Variants in PIANP observed in about 807,000 individuals in gnomAD.
PIANP encodes PILR alpha associated neural protein.
A neutral mutation model predicts 28.9 loss-of-function variants in PIANP; 14 were observed. The ratio of observed to expected loss-of-function variants is 0.49; its 90% CI spans 0.32 to 0.76. PIANP has a LOEUF of 0.76. Ranked by LOEUF, PIANP falls within the 30% of genes least tolerant of loss-of-function variation. The pLI, the probability that PIANP is intolerant of heterozygous loss-of-function variation, is 0.03. For missense variants in PIANP, 322 were observed against 371.8 expected (o/e 0.87, Z 1.10); for synonymous variants, 149 against 156.6 (o/e 0.95, Z 0.36).
Position 6,696,459 on chromosome 12 carries a change from T to C in PIANP, c.589A>G (p.Ile197Val). 6.2e-7 allele frequency: 1 copy of C among 1,600,848 alleles called. No homozygotes were observed. The highest frequency in any genetic ancestry group is 8.5e-7 in the Non-Finnish European group (1 of 1,174,166). ...SIIIVLVATG[I>V]IFKFCWDRSQ... ...CCAGCTTACCAGAACTTGAAGATGA[T>C]GCCAGTGGCCACGAGAACAATGATG... The change falls in exon 4 of 5, where the codon ATC (isoleucine) becomes GTC (valine). Residue 197 changes from isoleucine to valine, a missense_variant. Ile to Val is a conservative substitution (Grantham distance 29). Coordinates refer to ENST00000534837, the MANE Select transcript of PIANP (RefSeq NM_001244014.2). The surrounding 1 kb of genome is among the most constrained non-coding windows in gnomAD (Gnocchi z 4.0).
At position 6,695,518 on chromosome 12, in the gene PIANP, T is replaced by G. The variant is rs756613980; in HGVS notation, c.739A>C (p.Thr247Pro). The change falls in exon 5 of 5, where the codon ACC (threonine) becomes CCC (proline). Residue 247 changes from threonine (T) to proline (P), a missense_variant. Transcript: ENST00000534837. This position sits in a 1 kb window ranked among gnomAD's most constrained non-coding sequence, Gnocchi z 4.2. ...TVLGAFGDSP[T>P]PTPDHEEPRG... ...GGCTCCTCATGGTCAGGGGTGGGGG[T>G]AGGTGAGTCCCCGAAGGCCCCCAGC... 6.4e-7 allele frequency: 1 copy of G among 1,573,890 alleles called. No homozygotes were observed. Among genetic ancestry groups the G allele is most frequent in the Admixed American group, 1.8e-5 (1 of 55,736 alleles).
Position 6,695,869 on chromosome 12 carries a change from T to A in PIANP, c.606-218A>T, listed in dbSNP as rs1408863758. ...GGGAGCTTGGTAATCTAAACCTCCT[T>A]ACCCTCCAAACCTGATCCAGATCGA... On this transcript the variant is annotated intron_variant, in intron 4 of 4. Coordinates refer to ENST00000534837, the MANE Select transcript of PIANP (RefSeq NM_001244014.2). This position sits in a 1 kb window ranked among gnomAD's most constrained non-coding sequence, Gnocchi z 4.2. Among the ~76,000 whole-genome samples, 1 of 151,864 alleles carries A rather than the reference T, an allele frequency of 6.6e-6. No homozygotes were observed. Among genetic ancestry groups the A allele is most frequent in the Non-Finnish European group, 1.5e-5 (1 of 67,964 alleles).
chr12:6,695,569 C>A lies in PIANP; in HGVS notation c.688G>T (p.Asp230Tyr). Reference sequence around the variant, plus strand: ...ACAGTGACTCCAGCCGGGGACAGGTCTGTCAGTGGCTGCTGGCTCTCCTCC... The same window carrying A: ...ACAGTGACTCCAGCCGGGGACAGGTATGTCAGTGGCTGCTGGCTCTCCTCC... ...RQEESQQPLT[D>Y]LSPAGVTVLG... Residue 230 changes from aspartate (D) to tyrosine (Y), a missense_variant, in exon 5 of 5, where the codon GAC (aspartate) becomes TAC (tyrosine). Asp to Tyr is a radical substitution (Grantham distance 160, BLOSUM62 -3). Transcript: ENST00000534837. This position sits in a 1 kb window ranked among gnomAD's most constrained non-coding sequence, Gnocchi z 4.2. The A allele has an allele frequency of 6.3e-7, 1 of 1,592,418 alleles. No homozygotes were observed. The highest frequency in any genetic ancestry group is 8.6e-7 in the Non-Finnish European group (1 of 1,168,418).
rs1455574049 is a variant in PIANP at position 6,698,234 on chromosome 12, A to G, written c.-43-130T>C. On this transcript the variant is annotated intron_variant, in intron 1 of 4. Coordinates refer to ENST00000534837, the MANE Select transcript of PIANP (RefSeq NM_001244014.2). ...TGCCAGCTATGCGGCTGCACCCAGG[A>G]TTCACTGGTTGTTAGCATCCTTTTG... 4.0e-6 allele frequency: 3 copies of G among 747,858 alleles called. No individual in the cohort carries two copies. The Middle Eastern group carries it at 8.4e-4, about 209-fold the overall frequency. 46.3% of individuals were successfully genotyped at this position (747,858 alleles called of 1,614,324 possible).
intron 1 of PIANP, among the ~76,000 whole-genome samples, chr12:6,699,341 A>C (rs1367083318): frequency 6.6e-6 from 1 of 152,076 alleles, no homozygotes; most frequent in African/African-American, 2.4e-5. Flanking sequence ...GGAAGCAGGC[A>C]GTGGGAGAGA....
Position 6,695,683 on chromosome 12 carries a change from C to A in PIANP, c.606-32G>T. 2 of 1,456,098 alleles carry A rather than the reference C, an allele frequency of 1.4e-6. No individual in the cohort carries two copies. Among genetic ancestry groups the A allele is most frequent in the Non-Finnish European group, 1.8e-6 (2 of 1,099,088 alleles). The allele number at this position is 1,456,098 out of a possible 1,614,324, so 90.2% of individuals were successfully genotyped here. On this transcript the variant is annotated intron_variant, in intron 4 of 4. Coordinates refer to ENST00000534837, the MANE Select transcript of PIANP (RefSeq NM_001244014.2). The surrounding 1 kb of genome is among the most constrained non-coding windows in gnomAD (Gnocchi z 4.2). ...TACCAGAGGAAAAGAGGTTCTCTTG[C>A]ACACTCAAGTAGCCCCCATCCTGGG...
Position 6,695,604 on chromosome 12 carries a change from G to A in PIANP, c.653C>T (p.Ala218Val). 1 of 1,584,206 alleles carries A rather than the reference G, an allele frequency of 6.3e-7. No homozygotes were observed. Among genetic ancestry groups the A allele is most frequent in the Non-Finnish European group, 8.6e-7 (1 of 1,164,568 alleles). Residue 218 changes from alanine (A) to valine (V), a missense_variant, in exon 5 of 5, where the codon GCC (alanine) becomes GTC (valine). Transcript: ENST00000534837. The surrounding 1 kb of genome is among the most constrained non-coding windows in gnomAD (Gnocchi z 4.2). ...KRRRPSGQQG[A>V]LRQEESQQPL... ...CTGCTGGCTCTCCTCCTGCCTCAGGGCACCTTGCTGCCCTGAGGGTCTGCG... is the reference window on the plus strand; with the variant it reads ...CTGCTGGCTCTCCTCCTGCCTCAGGACACCTTGCTGCCCTGAGGGTCTGCG...
At position 6,700,030 on chromosome 12, in the gene PIANP, C is replaced by G. The variant is rs1442562512; in HGVS notation, c.-44+584G>C. 6.6e-6 allele frequency: 1 copy of G among 152,354 alleles called. No homozygotes were observed. Among genetic ancestry groups the G allele is most frequent in the African/African-American group, 2.4e-5 (1 of 41,454 alleles). 9.4% of individuals were successfully genotyped at this position (152,354 alleles called of 1,614,324 possible). The stretch of plus-strand genomic sequence containing the variant: ...GTGCATCCCCACCCCCAGCCAGCGC[C>G]AACCCAGTCCCTGGGCCCCGCACAG... On this transcript the variant is annotated intron_variant, in intron 1 of 4. Transcript: ENST00000534837. This position sits in a 1 kb window ranked among gnomAD's most constrained non-coding sequence, Gnocchi z 5.5.
intron 1 of PIANP, among the ~76,000 whole-genome samples, chr12:6,699,100 C>G (rs921112500): frequency 6.6e-6 from 1 of 152,158 alleles, no homozygotes; most frequent in East Asian, 1.9e-4. Context: ...AAAAATTAGC[C>G]GGGGGTAGTG....
At chr12:6,698,329 C>A in intron 1 of PIANP, 1 of 578,678 alleles carries the variant, frequency 1.7e-6, no homozygotes. Context: ...GTCCCTGTTA[C>A]CTCTCCACCC....
chr12:6,697,687 G>A lies in PIANP; in HGVS notation c.123C>T (p.Ala41=), dbSNP rs1351475459. Residue 41 remains alanine, a synonymous_variant, in exon 3 of 5, where the codon GCC becomes GCT. Coordinates refer to ENST00000534837, the MANE Select transcript of PIANP (RefSeq NM_001244014.2). This position sits in a 1 kb window ranked among gnomAD's most constrained non-coding sequence, Gnocchi z 6.9. ...GSSSSPRTPP[A]PARPPCARGG... Reference sequence around the variant, plus strand: ...CCCTGGCACACGGGGGGCGGGCTGGGGCTGGTGGGGTTCGAGGGGAGGATG... The same window carrying A: ...CCCTGGCACACGGGGGGCGGGCTGGAGCTGGTGGGGTTCGAGGGGAGGATG... The A allele has an allele frequency of 6.4e-7, 1 of 1,556,802 alleles. No individual in the cohort carries two copies.
chr12:6,697,476 CGGT>C lies in PIANP; in HGVS notation c.331_333del (p.Thr111del). 6.2e-7 allele frequency: 1 copy of C among 1,613,986 alleles called. No homozygotes were observed. Among genetic ancestry groups the C allele is most frequent in the Non-Finnish European group, 8.5e-7 (1 of 1,179,870 alleles). On this transcript the variant is annotated inframe_deletion, in exon 3 of 5. Transcript: ENST00000534837. This position sits in a 1 kb window ranked among gnomAD's most constrained non-coding sequence, Gnocchi z 6.9. ...GGGTCCCCTCCATCCTCTCGAGACA[CGGT>C]GGGACCCCACACGATAGCCCAGGGG...
At chr12:6,692,483 A>G (rs1442565643), downstream of PIANP, among the ~76,000 whole-genome samples, 2 of 152,150 alleles carry the variant, frequency 1.3e-5, no homozygotes, top group African/African-American at 4.8e-5. Context: ...GAAGCTTCCT[A>G]TCCCACCCTC....
chr12:6,697,644 G>T lies in PIANP; in HGVS notation c.166C>A (p.Arg56Ser), dbSNP rs896317961. 3 of 1,558,658 alleles carry T rather than the reference G, an allele frequency of 1.9e-6. No homozygotes were observed. The African/African-American group carries it at 4.1e-5, about 21-fold the overall frequency. The change falls in exon 3 of 5, where the codon CGT becomes AGT. Residue 56 changes from arginine (R) to serine (S), a missense_variant. Coordinates refer to ENST00000534837, the MANE Select transcript of PIANP (RefSeq NM_001244014.2). This position sits in a 1 kb window ranked among gnomAD's most constrained non-coding sequence, Gnocchi z 6.9. ...GCTCGCTCCCACACGCACACATGACGTGGGGCCGAGGGGCCTCCCCTGGCA... is the reference window on the plus strand; with the variant it reads ...GCTCGCTCCCACACGCACACATGACTTGGGGCCGAGGGGCCTCCCCTGGCA... ...PCARGGPSAP[R>S]HVCVWERAPP...
chr12:6,700,080 C>T lies in PIANP; in HGVS notation c.-44+534G>A, dbSNP rs576416068. 2 of 152,418 alleles carry T rather than the reference C, an allele frequency of 1.3e-5. No homozygotes were observed. The highest frequency in any genetic ancestry group is 3.4e-3 in the Middle Eastern group (1 of 294). 9.4% of individuals were successfully genotyped at this position (152,418 alleles called of 1,614,324 possible). The stretch of plus-strand genomic sequence containing the variant: ...GCTTCAGCCGCCCCCTCCAGGAAGC[C>T]CGCAGTCCCCGGGCTGGCGCGCCAC... On this transcript the variant is annotated intron_variant, in intron 1 of 4. Coordinates refer to ENST00000534837, the MANE Select transcript of PIANP (RefSeq NM_001244014.2). The surrounding 1 kb of genome is among the most constrained non-coding windows in gnomAD (Gnocchi z 5.5).
chr12:6,697,207 A>G lies in PIANP; in HGVS notation c.523+80T>C. 6.4e-7 allele frequency: 1 copy of G among 1,558,782 alleles called. No homozygotes were observed. Among genetic ancestry groups the G allele is most frequent in the East Asian group, 2.3e-5 (1 of 43,154 alleles). On this transcript the variant is annotated intron_variant, in intron 3 of 4. Transcript: ENST00000534837. The surrounding 1 kb of genome is among the most constrained non-coding windows in gnomAD (Gnocchi z 6.9). ...ACACATTTGTTGAAGGAGCTAACAG[A>G]CAAGGCCTCTATTTCTGCCCCTTGG...
downstream of PIANP, among the ~76,000 whole-genome samples, chr12:6,692,346 G>GCTCTCTTC (rs775743652): frequency 5.3e-5 from 8 of 152,254 alleles, no homozygotes; most frequent in South Asian, 8.3e-4. Flanking sequence ...GATCCTTGCT[G>GCTCTCTTC]AAGGTGAGAG....
chr12:6,695,425 C>T lies in PIANP; in HGVS notation c.*1G>A. 8 of 1,492,724 alleles carry T rather than the reference C, an allele frequency of 5.4e-6. No individual in the cohort carries two copies. Among genetic ancestry groups the T allele is most frequent in the Non-Finnish European group, 7.1e-6 (8 of 1,121,902 alleles). The allele number at this position is 1,492,724 out of a possible 1,614,324, so 92.5% of individuals were successfully genotyped here. A position where few individuals can be genotyped will look rare whatever the true frequency, so the allele number is the denominator to read the frequency against. The stretch of plus-strand genomic sequence containing the variant: ...GCCCTCCCATCCCATTGCCCCTGCC[C>T]TCACCGGTTCAACTGGAAGGCTGGA... On this transcript the variant is annotated 3_prime_UTR_variant, in exon 5 of 5. Coordinates refer to ENST00000534837, the MANE Select transcript of PIANP (RefSeq NM_001244014.2). This position sits in a 1 kb window ranked among gnomAD's most constrained non-coding sequence, Gnocchi z 4.2.
rs1023943552 is a variant in PIANP at position 6,697,318 on chromosome 12, C to T, written c.492G>A (p.Leu164=). ...CACGGCCCCCGAACAGGAATGGCCG[C>T]AGGGTGGCAGGTGCCTCTCCAAGGA... ...GLILGEAPAT[L]RPFLFGGRGE... The change falls in exon 3 of 5, where the codon CTG becomes CTA. Residue 164 remains leucine (L), a synonymous_variant. Coordinates refer to ENST00000534837, the MANE Select transcript of PIANP (RefSeq NM_001244014.2). The surrounding 1 kb of genome is among the most constrained non-coding windows in gnomAD (Gnocchi z 6.9). 6.2e-7 allele frequency: 1 copy of T among 1,613,994 alleles called. No homozygotes were observed. Among genetic ancestry groups the T allele is most frequent in the African/African-American group, 1.3e-5 (1 of 75,066 alleles).
Sources: gnomAD v4.1 joint callset for allele counts (sites outside exome capture counted in the v4.1 genomes callset) on GRCh38, gnomAD v4.1.1 for gene constraint, Gnocchi (gnomAD v3.1) non-coding constraint, MANE v1.5 for transcripts, NCBI Gene and HGNC (gene_info 2026-07-23, HGNC 2026-07-21) for gene names.